Variants in KERA observed in about 807,000 individuals in gnomAD.
KERA encodes the protein keratan sulfate proteoglycan keratocan.
KERA carries 25 observed loss-of-function variants against 26.4 expected under a neutral mutation model. That is an observed-to-expected ratio of 0.95 (90% CI 0.69 to 1.32). KERA has a LOEUF of 1.32. Ranked by LOEUF, KERA falls within the 40% of genes most tolerant of loss-of-function variation. The pLI is 0.00. For synonymous variants in KERA, 167 were observed against 146.1 expected, an observed-to-expected ratio of 1.14 and a Z score of -1.03; for missense variants, 434 against 408.9, an observed-to-expected ratio of 1.06 and a Z score of -0.53.
chr12:91,052,080 G>A (rs1298528009), intron 2 of KERA, among the ~76,000 whole-genome samples: 2 of 151,546 alleles, frequency 1.3e-5, no homozygotes, highest in African/African-American at 4.8e-5. Flanking sequence ...CTTTACATAA[G>A]CAATACAGAA....
At chr12:91,055,317 TG>T (rs1878965606) in intron 2 of KERA, 78 bp downstream of exon 2, 1 of 1,277,804 alleles carries the variant, frequency 7.8e-7, no homozygotes, top group Non-Finnish European at 1.1e-6. Flanking sequence ...GCAACACATT[TG>T]CTCTTCTTAA....
chr12:91,051,646 A>G lies in KERA; in HGVS notation c.887-128T>C, dbSNP rs539083396. ...CCTAATATATGAAAATAGTGGTTAT[A>G]CAAAACATTTGTGTCAGTGAGAAAT... On this transcript the variant is annotated intron_variant, in intron 2 of 2. Coordinates refer to ENST00000266719, the MANE Select transcript of KERA (RefSeq NM_007035.4). 7.1e-5 allele frequency: 50 copies of G among 708,164 alleles called. No individual in the cohort carries two copies. In the African/African-American group the frequency reaches 7.4e-4, roughly 10 times the overall value. The allele number at this position is 708,164 out of a possible 1,614,324, so 43.9% of individuals were successfully genotyped here.
Position 91,056,181 on chromosome 12 carries a change from T to C in KERA, c.101A>G (p.Asp34Gly), listed in dbSNP as rs1878999958. The C allele has an allele frequency of 1.2e-6, 2 of 1,610,218 alleles. No homozygotes were observed. The highest frequency in any genetic ancestry group is 8.5e-7 in the Non-Finnish European group (1 of 1,177,650). ...ACACTCGAAGTCATGAATAGTCCAA[T>C]CATCTGAATCATGTACTTCATAGAC... ...RQVYEVHDSD[D>G]WTIHDFECPM... is the part of the protein sequence containing the mutation. Residue 34 changes from aspartate (D) to glycine (G), a missense_variant, in exon 2 of 3, where the codon GAT becomes GGT. By Grantham distance (94) the Asp-to-Gly change is moderately conservative. Coordinates refer to ENST00000266719, the MANE Select transcript of KERA (RefSeq NM_007035.4).
chr12:91,051,237 G>A lies in KERA; in HGVS notation c.*109C>T. 1.1e-6 allele frequency: 1 copy of A among 888,852 alleles called. No individual in the cohort carries two copies. Among genetic ancestry groups the A allele is most frequent in the Admixed American group, 1.9e-5 (1 of 51,578 alleles). 55.1% of individuals were successfully genotyped at this position (888,852 alleles called of 1,614,324 possible). A position where few individuals can be genotyped will look rare whatever the true frequency, so the allele number is the denominator to read the frequency against. ...AATACACTGCACAAATGAAAATGGTGGCCGAGAGCAATGGGGAATATGACT... is the reference window on the plus strand; with the variant it reads ...AATACACTGCACAAATGAAAATGGTAGCCGAGAGCAATGGGGAATATGACT... On this transcript the variant is annotated 3_prime_UTR_variant, in exon 3 of 3. Coordinates refer to ENST00000266719, the MANE Select transcript of KERA (RefSeq NM_007035.4).
Position 91,053,274 on chromosome 12 carries a change from T to C in KERA, c.887-1756A>G, listed in dbSNP as rs888889578. ...ATATCTACATTAAAAAGTAAATAAC[T>C]AGATTTCTCTTTGTTGCTTTTCTAC... On this transcript the variant is annotated intron_variant, in intron 2 of 2. Coordinates refer to ENST00000266719, the MANE Select transcript of KERA (RefSeq NM_007035.4). Among the ~76,000 whole-genome samples the C allele has an allele frequency of 2.0e-5, 3 of 151,490 alleles. No individual in the cohort carries two copies. In the East Asian group the frequency reaches 5.8e-4, roughly 29 times the overall value.
In KERA at chr12:91,056,309, A is replaced by G; in HGVS notation, c.-8-20T>C. On this transcript the variant is annotated intron_variant, in intron 1 of 2. Coordinates refer to ENST00000266719, the MANE Select transcript of KERA (RefSeq NM_007035.4). Reference sequence around the variant, plus strand: ...TAGCACCTACAGAAAAAGGAACACAACTGTTAGATATTTGAAGATCTTGAC... The same window carrying G: ...TAGCACCTACAGAAAAAGGAACACAGCTGTTAGATATTTGAAGATCTTGAC... The G allele has an allele frequency of 6.3e-7, 1 of 1,583,380 alleles. No individual in the cohort carries two copies. Among genetic ancestry groups the G allele is most frequent in the Middle Eastern group, 1.7e-4 (1 of 5,994 alleles).
At position 91,055,756 on chromosome 12, in the gene KERA, T is replaced by G; in HGVS notation, c.526A>C (p.Asn176His). Residue 176 changes from asparagine (N) to histidine (H), a missense_variant, in exon 2 of 3, where the codon AAC becomes CAC. Physicochemically the swap from Asn to His is moderately conservative, Grantham distance 68 (BLOSUM62 1). Transcript: ENST00000266719. Reference sequence around the variant, plus strand: ...TGAAAGGCATTGTCCACTAATTTGTTGTTCTGTAGGTCAAGAAGGGTCAGG... The same window carrying G: ...TGAAAGGCATTGTCCACTAATTTGTGGTTCTGTAGGTCAAGAAGGGTCAGG... ...ENLTLLDLQN[N>H]KLVDNAFQRD... The G allele has an allele frequency of 5.0e-6, 8 of 1,611,460 alleles. No homozygotes were observed. Among genetic ancestry groups the G allele is most frequent in the Non-Finnish European group, 6.8e-6 (8 of 1,178,242 alleles).
At chr12:91,053,335 T>C (rs564450644) in intron 2 of KERA, among the ~76,000 whole-genome samples, 6 of 151,474 alleles carry the variant, frequency 4.0e-5, no homozygotes, top group African/African-American at 1.4e-4. Context: ...TTCATGACAA[T>C]GAAGGAAAGT....
At position 91,052,885 on chromosome 12, in the gene KERA, A is replaced by T. The variant is rs566205229; in HGVS notation, c.887-1367T>A. Among the ~76,000 whole-genome samples, 4 of 151,652 alleles carry T rather than the reference A, an allele frequency of 2.6e-5. No homozygotes were observed. The East Asian group carries it at 7.8e-4, about 29-fold the overall frequency. On this transcript the variant is annotated intron_variant, in intron 2 of 2. Transcript: ENST00000266719. ...AATGTATGTCTGAATAAATGAATATAAAAAAGAAGTATTCTAAATTTAATT... is the reference window on the plus strand; with the variant it reads ...AATGTATGTCTGAATAAATGAATATTAAAAAGAAGTATTCTAAATTTAATT...
intron 2 of KERA, 78 bp from the exon 3 acceptor site, chr12:91,051,596 C>T (rs536674294): frequency 1.9e-6 from 2 of 1,041,930 alleles, no homozygotes; most frequent in African/African-American, 3.1e-5. Context: ...AAACTAATGC[C>T]ATGGTCCTAT....
chr12:91,051,425 A>C lies in KERA; in HGVS notation c.980T>G (p.Leu327Arg), dbSNP rs560573545. Residue 327 changes from leucine (L) to arginine (R), a missense_variant, in exon 3 of 3, where the codon CTG becomes CGG. Physicochemically the swap from Leu to Arg is moderately radical, Grantham distance 102 (BLOSUM62 -2). Coordinates refer to ENST00000266719, the MANE Select transcript of KERA (RefSeq NM_007035.4). ...TGGTGGTTTGATTTCATTTCCATCC[A>C]GACGGAGGTAGCGAAGATGAGGTCC... ...SYGPHLRYLR[L>R]DGNEIKPPIP... 1 of 1,611,288 alleles carries C rather than the reference A, an allele frequency of 6.2e-7. No individual in the cohort carries two copies. Among genetic ancestry groups the C allele is most frequent in the South Asian group, 1.1e-5 (1 of 91,032 alleles).
At chr12:91,051,949 T>C (rs537324006) in intron 2 of KERA, among the ~76,000 whole-genome samples, 1 of 151,548 alleles carries the variant, frequency 6.6e-6, no homozygotes, top group African/African-American at 2.4e-5. Flanking sequence ...GATGGATGGA[T>C]GGATGGATCC....
chr12:91,053,361 T>C (rs927859991), intron 2 of KERA, among the ~76,000 whole-genome samples: 1 of 151,424 alleles, frequency 6.6e-6, no homozygotes, highest in African/African-American at 2.4e-5. Context: ...TATTATACTG[T>C]ATGAGTGAAA....
intron 2 of KERA, among the ~76,000 whole-genome samples, chr12:91,054,733 T>G (rs1878947734): frequency 6.6e-6 from 1 of 151,264 alleles, no homozygotes; most frequent in Non-Finnish European, 1.5e-5. Flanking sequence ...CCAGGGAAAT[T>G]TCTTTCCATT....
rs752566548 is a variant in KERA, at chr12:91,055,505, A to G, written c.777T>C (p.Phe259=). The change falls in exon 2 of 3, where the codon TTT becomes TTC. Residue 259 remains phenylalanine (F), a synonymous_variant. Coordinates refer to ENST00000266719, the MANE Select transcript of KERA (RefSeq NM_007035.4). ...GAAGATCTAGAATTGATGATACATCAAATCCTCTTGATGGGAGACCCTCAT... is the reference window on the plus strand; with the variant it reads ...GAAGATCTAGAATTGATGATACATCGAATCCTCTTGATGGGAGACCCTCAT... The part of the protein sequence containing the change: ...LSDEGLPSRG[F]DVSSILDLQL... 1 of 1,610,166 alleles carries G rather than the reference A, an allele frequency of 6.2e-7. No homozygotes were observed. The highest frequency in any genetic ancestry group is 8.5e-7 in the Non-Finnish European group (1 of 1,177,658).
At chr12:91,054,822 A>G (rs1878950009) in intron 2 of KERA, among the ~76,000 whole-genome samples, 1 of 151,228 alleles carries the variant, frequency 6.6e-6, no homozygotes. Flanking sequence ...GCTGTTAGAG[A>G]TGAAAATTCT....
chr12:91,053,841 G>A (rs1020575913), intron 2 of KERA, among the ~76,000 whole-genome samples: 1 of 151,370 alleles, frequency 6.6e-6, no homozygotes, highest in African/African-American at 2.4e-5. Flanking sequence ...TGCTCAGGAT[G>A]AAATGCATAA....
intron 2 of KERA, 35 bp downstream of exon 2, chr12:91,055,361 C>A (rs1267268327): frequency 1.3e-6 from 2 of 1,567,738 alleles, no homozygotes; most frequent in Non-Finnish European, 1.8e-6. Context: ...GACCATGAGC[C>A]CTTTAGTCAA....
Position 91,051,770 on chromosome 12 carries a change from T to G in KERA, c.887-252A>C, listed in dbSNP as rs574789018. 1.4e-4 allele frequency among the ~76,000 whole-genome samples: 22 copies of G among 151,776 alleles called. No homozygotes were observed. The East Asian group carries it at 4.1e-3, about 28-fold the overall frequency. On this transcript the variant is annotated intron_variant, in intron 2 of 2. Transcript: ENST00000266719. ...GTATAGAGCACTAGTAAGGAAATAC[T>G]GTTAAGATCTGTGATAGAAACAAAT...
Sources: gnomAD v4.1 joint callset for allele counts (sites outside exome capture counted in the v4.1 genomes callset) on GRCh38, gnomAD v4.1.1 for gene constraint, MANE v1.5 for transcripts, NCBI Gene and HGNC (gene_info 2026-07-23, HGNC 2026-07-21) for gene names.